Variants in EDIL3 observed in about 807,000 individuals in gnomAD.
The protein encoded by EDIL3 is EGF like and discoidin domains 3.
In EDIL3, 37 loss-of-function variants were observed where a neutral mutation model predicts 67.4. The observed-to-expected ratio is 0.55, with a 90% CI of 0.42 to 0.72. The LOEUF is 0.72. EDIL3 is among the 30% of genes least tolerant of loss of function. EDIL3 has a pLI of 0.00. For missense variants in EDIL3, 527 were observed against 586.3 expected, an observed-to-expected ratio of 0.90 and a Z score of 1.04; for synonymous variants, 195 against 196.3, an observed-to-expected ratio of 0.99 and a Z score of 0.05.
intron 9 of EDIL3, among the ~76,000 whole-genome samples, chr5:84,003,418 C>A (rs1468628898): frequency 3.3e-5 from 5 of 152,114 alleles, no homozygotes; most frequent in African/African-American, 1.2e-4. Flanking sequence ...AAGCTAAGGT[C>A]TATGGCCAAA....
intron 1 of EDIL3, among the ~76,000 whole-genome samples, chr5:84,272,289 T>A (rs1745490721): frequency 6.6e-6 from 1 of 151,910 alleles, no homozygotes; most frequent in Admixed American, 6.6e-5. Context: ...TCCAAATAAT[T>A]TCTTTAACTT....
At chr5:84,010,791 C>G (rs1745504263) in intron 9 of EDIL3, among the ~76,000 whole-genome samples, 1 of 152,140 alleles carries the variant, frequency 6.6e-6, no homozygotes, top group Non-Finnish European at 1.5e-5. Flanking sequence ...GTCAACCAGG[C>G]AGTTCACACG....
At chr5:84,082,809 ATTGAG>A (rs149508293) in intron 6 of EDIL3, among the ~76,000 whole-genome samples, 35,142 of 151,828 alleles carry the variant, frequency 0.23, 4,139 homozygotes, top group East Asian at 0.36. Flanking sequence ...TGTTTCTCTT[ATTGAG>A]TTGTTACTAT....
intron 9 of EDIL3, among the ~76,000 whole-genome samples, chr5:83,973,704 G>C (rs538098898): frequency 1.3e-5 from 2 of 152,056 alleles, no homozygotes; most frequent in Admixed American, 6.6e-5. Context: ...ATAAAGACTG[G>C]TGTTTCCAAA....
intron 1 of EDIL3, among the ~76,000 whole-genome samples, chr5:84,305,238 T>A (rs1433923207): frequency 1.3e-5 from 2 of 152,234 alleles, no homozygotes; most frequent in East Asian, 3.8e-4. Context: ...ACACTTTTTT[T>A]AATTCCATTG....
chr5:84,215,711 C>T (rs1283364947), intron 3 of EDIL3, among the ~76,000 whole-genome samples: 1 of 152,128 alleles, frequency 6.6e-6, no homozygotes, highest in Non-Finnish European at 1.5e-5. Context: ...AGTAGTCATG[C>T]AGACACATGC....
At chr5:84,141,629 A>C (rs1748190851) in intron 4 of EDIL3, among the ~76,000 whole-genome samples, 1 of 148,824 alleles carries the variant, frequency 6.7e-6, no homozygotes, top group Non-Finnish European at 1.5e-5. Context: ...AAAGGTAAAT[A>C]GTTGAATTTC....
chr5:84,072,827 AG>A (rs1417355892), intron 6 of EDIL3, among the ~76,000 whole-genome samples: 1 of 152,180 alleles, frequency 6.6e-6, no homozygotes, highest in Non-Finnish European at 1.5e-5. Context: ...GGAGTAACAG[AG>A]GGGGTGAGAA....
At chr5:84,309,041 A>G (rs955369230) in intron 1 of EDIL3, among the ~76,000 whole-genome samples, 4 of 152,192 alleles carry the variant, frequency 2.6e-5, no homozygotes, top group Admixed American at 2.6e-4. Context: ...TCAATACAGT[A>G]TAATGTACTT....
intron 1 of EDIL3, among the ~76,000 whole-genome samples, chr5:84,368,084 T>C (rs1244506535): frequency 6.6e-6 from 1 of 152,192 alleles, no homozygotes; most frequent in Non-Finnish European, 1.5e-5. Context: ...TTTGAAACTC[T>C]GGAATCTATT....
At chr5:84,289,237 C>T (rs1014389295) in intron 1 of EDIL3, among the ~76,000 whole-genome samples, 6 of 152,004 alleles carry the variant, frequency 3.9e-5, no homozygotes, top group Non-Finnish European at 7.4e-5. Context: ...TTTAACATTC[C>T]GTGACATTAT....
At chr5:83,981,990 A>C (rs1744978199) in intron 9 of EDIL3, among the ~76,000 whole-genome samples, 1 of 152,062 alleles carries the variant, frequency 6.6e-6, no homozygotes, top group Non-Finnish European at 1.5e-5. Flanking sequence ...TTATATAACA[A>C]AATTAGGTTT....
intron 4 of EDIL3, among the ~76,000 whole-genome samples, chr5:84,155,549 T>G (rs1748476360): frequency 6.6e-6 from 1 of 152,230 alleles, no homozygotes; most frequent in Non-Finnish European, 1.5e-5. Context: ...CTGTGTTTTC[T>G]CTGGAATTAG....
At chr5:84,211,156 C>T (rs146762403) in intron 3 of EDIL3, among the ~76,000 whole-genome samples, 1 of 152,250 alleles carries the variant, frequency 6.6e-6, no homozygotes, top group East Asian at 1.9e-4. Context: ...AAAATTGATT[C>T]CCAGTGTTGA....
rs998530171 is a variant in EDIL3 at position 83,941,914 on chromosome 5, T to C, written c.*1505A>G. 2.0e-5 allele frequency: 3 copies of C among 151,974 alleles called. No homozygotes were observed. Among genetic ancestry groups the C allele is most frequent in the African/African-American group, 7.2e-5 (3 of 41,434 alleles). The allele number at this position is 151,974 out of a possible 1,614,324, so 9.4% of individuals were successfully genotyped here. A position where few individuals can be genotyped will look rare whatever the true frequency, so the allele number is the denominator to read the frequency against. On this transcript the variant is annotated 3_prime_UTR_variant, in exon 11 of 11. Coordinates refer to ENST00000296591, the MANE Select transcript of EDIL3 (RefSeq NM_005711.5). ...ATCATTAAGAAATGCTGTTAACACA[T>C]GGACAGACAAGACAGTAACAGTCTA...
rs1554038574 is a variant in EDIL3 at position 84,256,119 on chromosome 5, ACTAT to A, written c.68-1911_68-1908del. ...CTATCATTTATATACTTATCATCTA[ACTAT>A]CTATCTATCTATCTATCTATCTATC... On this transcript the variant is annotated intron_variant, in intron 1 of 10. Transcript: ENST00000296591. 2.4e-3 allele frequency among the ~76,000 whole-genome samples: 355 copies of A among 147,126 alleles called. 1 individual carries two copies. The highest frequency in any genetic ancestry group is 3.6e-3 in the African/African-American group (143 of 39,430).
intron 1 of EDIL3, among the ~76,000 whole-genome samples, chr5:84,327,679 T>C (rs1746790915): frequency 2.0e-5 from 3 of 152,028 alleles, no homozygotes. Context: ...GGTATTTACA[T>C]CAGTTACACA....
chr5:84,270,762 A>C (rs1443937205), intron 1 of EDIL3, among the ~76,000 whole-genome samples: 2 of 152,232 alleles, frequency 1.3e-5, no homozygotes, highest in Non-Finnish European at 2.9e-5. Flanking sequence ...AGTTAATAAA[A>C]AGTAACTTAC....
chr5:84,072,792 GA>G (rs573617634), intron 6 of EDIL3, among the ~76,000 whole-genome samples: 65 of 152,040 alleles, frequency 4.3e-4, no homozygotes, highest in Admixed American at 1.4e-3. Flanking sequence ...TAAAACATAA[GA>G]ACAAGAATGA....
Sources: gnomAD v4.1 joint callset for allele counts (sites outside exome capture counted in the v4.1 genomes callset) on GRCh38, gnomAD v4.1.1 for gene constraint, MANE v1.5 for transcripts, NCBI Gene and HGNC (gene_info 2026-07-23, HGNC 2026-07-21) for gene names.